Variants in NR1H4 observed in about 807,000 individuals in gnomAD.
NR1H4 encodes nuclear receptor subfamily 1 group H member 4, also known as bile acid receptor.
Under a neutral mutation model 58.5 loss-of-function variants are expected in NR1H4, and 23 were observed. The observed-to-expected ratio is 0.39, with a 90% confidence interval of 0.28 to 0.56. NR1H4 has a LOEUF of 0.56. Among genes scored for constraint, NR1H4 ranks in the 20% least tolerant of loss-of-function variants. The probability of loss-of-function intolerance (pLI) is 0.58; values close to 1 mark genes in which losing one functional copy is unlikely to be tolerated. For missense variants in NR1H4, 487 were observed against 576.9 expected, an observed-to-expected ratio of 0.84 and a Z score of 1.60; for synonymous variants, 214 against 198.0, an observed-to-expected ratio of 1.08 and a Z score of -0.68.
chr12:100,483,516 G>T (rs1290690670), intron 1 of NR1H4, among the ~76,000 whole-genome samples: 1 of 152,114 alleles, frequency 6.6e-6, no homozygotes, highest in East Asian at 1.9e-4. Flanking sequence ...AGCCATCCTT[G>T]TTGGCCATAT....
intron 9 of NR1H4, among the ~76,000 whole-genome samples, chr12:100,552,687 C>T (rs1955229013): frequency 6.6e-6 from 1 of 152,090 alleles, no homozygotes. Context: ...TTTAAGGAGG[C>T]CAAGGTGGAA....
chr12:100,537,734 G>C (rs1190510136), intron 8 of NR1H4, among the ~76,000 whole-genome samples: 2 of 152,222 alleles, frequency 1.3e-5, no homozygotes, highest in Non-Finnish European at 2.9e-5. Context: ...TTTTGTTTGA[G>C]ACGGAGTCTC....
At chr12:100,547,069 G>A (rs1349434528) in intron 9 of NR1H4, among the ~76,000 whole-genome samples, 1 of 152,096 alleles carries the variant, frequency 6.6e-6, no homozygotes, top group Non-Finnish European at 1.5e-5. Context: ...TATACTTATG[G>A]AAAATTGTCT....
chr12:100,535,146 T>TC, intron 6 of NR1H4, 123 bp downstream of exon 6: 1 of 1,053,152 alleles, frequency 9.5e-7, no homozygotes, highest in Non-Finnish European at 1.5e-6. Context: ...GTCCAATTGT[T>TC]CATTAAAATG....
At chr12:100,491,240 C>T (rs566606819) in intron 1 of NR1H4, among the ~76,000 whole-genome samples, 72 of 152,196 alleles carry the variant, frequency 4.7e-4, no homozygotes, top group Middle Eastern at 3.4e-3. Flanking sequence ...TCCTTCCACT[C>T]CATTTTGTGT....
intron 4 of NR1H4, among the ~76,000 whole-genome samples, chr12:100,515,165 CTTTTTT>C (rs59404984): frequency 1.1e-5 from 1 of 94,860 alleles, no homozygotes; most frequent in African/African-American, 4.6e-5. Context: ...TTTGTCAAAG[CTTTTTT>C]TTTTTTTTTT....
chr12:100,508,423 G>C (rs1954022780), intron 3 of NR1H4, among the ~76,000 whole-genome samples: 1 of 152,116 alleles, frequency 6.6e-6, no homozygotes, highest in South Asian at 2.1e-4. Context: ...AACACAAGTA[G>C]GAGGATGCAG....
intron 9 of NR1H4, among the ~76,000 whole-genome samples, chr12:100,559,982 A>G (rs572853986): frequency 6.6e-6 from 1 of 152,238 alleles, no homozygotes; most frequent in South Asian, 2.1e-4. Context: ...GGGGCCTTGG[A>G]GAACCTTTAT....
At chr12:100,497,803 G>A (rs1953748196) in intron 3 of NR1H4, among the ~76,000 whole-genome samples, 1 of 152,202 alleles carries the variant, frequency 6.6e-6, no homozygotes, top group South Asian at 2.1e-4. Flanking sequence ...ATCTGACATA[G>A]TGAATAAAAC....
chr12:100,529,205 C>T (rs994039057), intron 4 of NR1H4, among the ~76,000 whole-genome samples: 12 of 152,168 alleles, frequency 7.9e-5, no homozygotes, highest in African/African-American at 2.7e-4. Context: ...TTAACCTTGA[C>T]ATCTCTAACT....
chr12:100,528,598 T>C (rs1954618640), intron 4 of NR1H4, among the ~76,000 whole-genome samples: 1 of 152,206 alleles, frequency 6.6e-6, no homozygotes, highest in Admixed American at 6.5e-5. Flanking sequence ...ACTTTTCTGA[T>C]ATGAGCATTG....
At chr12:100,475,954 G>C (rs1254748574) in intron 1 of NR1H4, among the ~76,000 whole-genome samples, 1 of 152,018 alleles carries the variant, frequency 6.6e-6, no homozygotes, top group Non-Finnish European at 1.5e-5. Context: ...GACTGGTCTC[G>C]AACTCTTGAC....
At chr12:100,536,846 T>C (rs1438027405) in intron 7 of NR1H4, 102 bp from the exon 8 acceptor site, 6 of 774,096 alleles carry the variant, frequency 7.8e-6, no homozygotes, top group Non-Finnish European at 1.1e-5. Context: ...AGATGGGTTT[T>C]CAAATTTTAT....
At chr12:100,497,737 T>C (rs1340774578) in intron 3 of NR1H4, among the ~76,000 whole-genome samples, 1 of 152,182 alleles carries the variant, frequency 6.6e-6, no homozygotes, top group Non-Finnish European at 1.5e-5. Flanking sequence ...AGGCAAAGTT[T>C]TATGCAATTA....
chr12:100,551,751 C>T (rs914231662), intron 9 of NR1H4, among the ~76,000 whole-genome samples: 2 of 152,114 alleles, frequency 1.3e-5, no homozygotes, highest in African/African-American at 2.4e-5. Flanking sequence ...TCAAGTCGCC[C>T]CTTGGTATCC....
chr12:100,545,636 T>C (rs1955043261), intron 9 of NR1H4, among the ~76,000 whole-genome samples: 1 of 107,274 alleles, frequency 9.3e-6, no homozygotes, highest in South Asian at 3.0e-4. Flanking sequence ...AGTGAGACCT[T>C]GTCTCAAAAA....
intron 9 of NR1H4, among the ~76,000 whole-genome samples, chr12:100,553,916 A>T (rs79880287): frequency 0.033 from 5,009 of 152,274 alleles, 262 homozygotes; most frequent in African/African-American, 0.11. Flanking sequence ...CTTTAGTCTC[A>T]TGGGCCCAAA....
rs1225403612 is a variant in NR1H4 at position 100,532,589 on chromosome 12, T to C, written c.577T>C (p.Leu193=). The C allele has an allele frequency of 1.9e-6, 3 of 1,614,006 alleles. No homozygotes were observed. Among genetic ancestry groups the C allele is most frequent in the South Asian group, 1.1e-5 (1 of 91,076 alleles). The change falls in exon 5 of 11, where the codon TTG becomes CTG. Residue 193 remains leucine (L), a synonymous_variant. Coordinates refer to ENST00000392986, the MANE Select transcript of NR1H4 (RefSeq NM_001206979.2). ...RLRKCKEMGM[L]AECMYTGLLT... Reference sequence around the variant, plus strand: ...AAGGAAATGCAAAGAGATGGGAATGTTGGCTGAATGTATGTATACAGGTAT... The same window carrying C: ...AAGGAAATGCAAAGAGATGGGAATGCTGGCTGAATGTATGTATACAGGTAT...
intron 9 of NR1H4, among the ~76,000 whole-genome samples, chr12:100,553,106 C>A (rs574199429): frequency 1.1e-4 from 16 of 152,202 alleles, no homozygotes; most frequent in African/African-American, 3.4e-4. Context: ...TCAAGCAATT[C>A]TCCTGCCTCA....
Sources: allele counts gnomAD v4.1 joint callset (sites outside exome capture counted in the v4.1 genomes callset), GRCh38; gene constraint gnomAD v4.1.1; transcripts MANE v1.5; gene names NCBI Gene and HGNC (gene_info 2026-07-23, HGNC 2026-07-21).